The following F10 variants were observed in gnomAD, a reference collection of about 807,000 sequenced individuals.
F10 encodes the protein coagulation factor X, also known as Stuart-Prower factor.
A neutral mutation model predicts 37.1 loss-of-function variants in F10; 29 were observed. That is an observed-to-expected ratio of 0.78 (90% confidence interval 0.58 to 1.07). F10 has a LOEUF of 1.07. Among genes scored for constraint, F10 ranks in the 50% least tolerant of loss-of-function variants. F10 has a pLI of 0.00. For synonymous variants in F10, 262 were observed against 268.6 expected (o/e 0.98, Z 0.24); for missense variants, 539 against 667.9 (o/e 0.81, Z 2.13).
intron 1 of F10, among the ~76,000 whole-genome samples, chr13:113,123,859 T>A (rs2036344677): frequency 6.7e-6 from 1 of 149,030 alleles, no homozygotes; most frequent in Admixed American, 6.7e-5. Context: ...GAGCCACATC[T>A]TCCTGTCTCC....
At position 113,129,607 on chromosome 13, in the gene F10, A is replaced by AAG. The variant is rs2036408151; in HGVS notation, c.228_229dup (p.Thr77ArgfsTer38). The stretch of plus-strand genomic sequence containing the variant: ...CCGCGAGGTCTTTGAGGACAGCGAC[A>AAG]AGACGGTAAGGGCTGGGGATAGCCT... On this transcript the variant is annotated frameshift_variant, in exon 2 of 8. Transcript: ENST00000375559. LOFTEE classifies it high-confidence loss of function. The AAG allele has an allele frequency of 6.2e-7, 1 of 1,614,046 alleles. No homozygotes were observed. The highest frequency in any genetic ancestry group is 8.5e-7 in the Non-Finnish European group (1 of 1,180,018).
At chr13:113,147,341 C>G in intron 6 of F10, 38 bp from the exon 7 acceptor site, 2 of 1,444,814 alleles carry the variant, frequency 1.4e-6, no homozygotes, top group Non-Finnish European at 2.0e-6. Context: ...CACCTGTCCA[C>G]CTGGCCAGCC....
In F10 at chr13:113,143,344, C is replaced by A. The variant is rs775594473; in HGVS notation, c.503-507C>A. Among the ~76,000 whole-genome samples the A allele has an allele frequency of 5.9e-5, 9 of 152,158 alleles. No individual in the cohort carries two copies. The highest frequency in any genetic ancestry group is 8.8e-5 in the Non-Finnish European group (6 of 68,034). ...TCCTGTGCCTCCAGTTGTTTGCGTG[C>A]GCCATTCCTTCTGCCTGAAAACTTT... On this transcript the variant is annotated intron_variant, in intron 5 of 7. Coordinates refer to ENST00000375559, the MANE Select transcript of F10 (RefSeq NM_000504.4). The surrounding 1 kb of genome is among the most constrained non-coding windows in gnomAD (Gnocchi z 6.8).
chr13:113,142,353 A>G (rs987094228), intron 5 of F10, among the ~76,000 whole-genome samples: 5 of 150,796 alleles, frequency 3.3e-5, no homozygotes, highest in East Asian at 4.0e-4. Flanking sequence ...CATCCTGGCC[A>G]ACACAGTGAA....
intron 7 of F10, among the ~76,000 whole-genome samples, chr13:113,148,405 C>CACACAG (rs2036606112): frequency 6.9e-6 from 1 of 144,458 alleles, no homozygotes; most frequent in South Asian, 2.2e-4. Flanking sequence ...TATATACACA[C>CACACAG]ACACACACAA....
rs1191415687 is a variant in F10 at position 113,147,503 on chromosome 13, G to A, written c.865+7G>A. On this transcript the variant is annotated splice_region_variant and intron_variant, in intron 7 of 7. Transcript: ENST00000375559. ...AGATTCAAGGTGAGGGTAGGTAAGT[G>A]ACCAACAGCCCCCAGGGCCGTGGTG... is the stretch of plus-strand genomic sequence containing the variant. The A allele has an allele frequency of 1.3e-6, 2 of 1,574,992 alleles. No homozygotes were observed. The highest frequency in any genetic ancestry group is 1.7e-5 in the Admixed American group (1 of 59,964).
intron 4 of F10, among the ~76,000 whole-genome samples, chr13:113,140,349 G>A (rs1301679481): frequency 1.3e-5 from 2 of 152,070 alleles, no homozygotes; most frequent in Non-Finnish European, 2.9e-5. Context: ...CCAAAGTGCT[G>A]GGATTACAGG....
chr13:113,139,286 G>A lies in F10; in HGVS notation c.257-71G>A, dbSNP rs1256319081. On this transcript the variant is annotated intron_variant, in intron 3 of 7. Coordinates refer to ENST00000375559, the MANE Select transcript of F10 (RefSeq NM_000504.4). This position sits in a 1 kb window ranked among gnomAD's most constrained non-coding sequence, Gnocchi z 5.2. ...TATCTGAACGGCAGGGCCAAGGTTA[G>A]CACAGCAAAACTGTTTCCATGATGC... The A allele has an allele frequency of 2.3e-6, 3 of 1,294,802 alleles. No individual in the cohort carries two copies. The African/African-American group carries it at 4.4e-5, about 19-fold the overall frequency. 80.2% of individuals were successfully genotyped at this position (1,294,802 alleles called of 1,614,324 possible). A position where few individuals can be genotyped will look rare whatever the true frequency, so the allele number is the denominator to read the frequency against.
chr13:113,124,248 G>A (rs2036349181), intron 1 of F10, among the ~76,000 whole-genome samples: 1 of 152,234 alleles, frequency 6.6e-6, no homozygotes, highest in Non-Finnish European at 1.5e-5. Flanking sequence ...AGCAGAGGGT[G>A]GGGATGAGAA....
chr13:113,135,537 A>G (rs908045481), intron 2 of F10, among the ~76,000 whole-genome samples: 2 of 152,202 alleles, frequency 1.3e-5, no homozygotes, highest in African/African-American at 2.4e-5. Context: ...AGCCTCTTTT[A>G]TAAGGACATT....
At chr13:113,135,256 A>T (rs1466629749) in intron 2 of F10, among the ~76,000 whole-genome samples, 5 of 152,102 alleles carry the variant, frequency 3.3e-5, no homozygotes, top group African/African-American at 1.2e-4. Context: ...AAAAAAAAAA[A>T]ACAAAAGAAA....
intron 2 of F10, among the ~76,000 whole-genome samples, chr13:113,133,735 G>A (rs566670717): frequency 7.2e-5 from 11 of 152,170 alleles, no homozygotes; most frequent in African/African-American, 1.4e-4. Context: ...ACCACCCTAC[G>A]TAACAATATC....
At position 113,122,863 on chromosome 13, in the gene F10, G is replaced by T. The variant is rs1026200798; in HGVS notation, c.8G>T (p.Arg3Leu). 1 of 1,610,428 alleles carries T rather than the reference G, an allele frequency of 6.2e-7. No individual in the cohort carries two copies. Among genetic ancestry groups the T allele is most frequent in the Non-Finnish European group, 8.5e-7 (1 of 1,180,014 alleles). Reference sequence around the variant, plus strand: ...ACAGTACTCGGCCACACCATGGGGCGCCCACTGCACCTCGTCCTGCTCAGT... The same window carrying T: ...ACAGTACTCGGCCACACCATGGGGCTCCCACTGCACCTCGTCCTGCTCAGT... Reference protein sequence around the residue: MGRPLHLVLLSAS... With the variant: MGLPLHLVLLSAS... The change falls in exon 1 of 8, where the codon CGC becomes CTC. Residue 3 changes from arginine to leucine, a missense_variant. Transcript: ENST00000375559.
rs1436789778 is a variant in F10, at chr13:113,146,633, G to A, written c.748-746G>A. 6.6e-6 allele frequency among the ~76,000 whole-genome samples: 1 copy of A among 152,150 alleles called. No individual in the cohort carries two copies. Among genetic ancestry groups the A allele is most frequent in the African/African-American group, 2.4e-5 (1 of 41,410 alleles). On this transcript the variant is annotated intron_variant, in intron 6 of 7. Transcript: ENST00000375559. The surrounding 1 kb of genome is among the most constrained non-coding windows in gnomAD (Gnocchi z 4.5). ...GAGTTGACAAATTATGCAAAAAAGAGGCAAAAACATGACCCCTTTTCTAGC... is the reference window on the plus strand; with the variant it reads ...GAGTTGACAAATTATGCAAAAAAGAAGCAAAAACATGACCCCTTTTCTAGC...
At chr13:113,147,689 G>C (rs559859831) in intron 7 of F10, among the ~76,000 whole-genome samples, 193 bp downstream of exon 7, 1 of 152,174 alleles carries the variant, frequency 6.6e-6, no homozygotes, top group Non-Finnish European at 1.5e-5. Flanking sequence ...GGAGGAGGAC[G>C]GGGAGGGGAG....
chr13:113,140,361 G>A (rs1268349967), intron 4 of F10, among the ~76,000 whole-genome samples: 1 of 152,082 alleles, frequency 6.6e-6, no homozygotes, highest in African/African-American at 2.4e-5. Context: ...GATTACAGGC[G>A]TGAGGCACAG....
At chr13:113,124,579 AG>A (rs1478081515) in intron 1 of F10, among the ~76,000 whole-genome samples, 1 of 152,228 alleles carries the variant, frequency 6.6e-6, no homozygotes, top group East Asian at 1.9e-4. Flanking sequence ...GGCTGAACAC[AG>A]GTCCCAGAAG....
At chr13:113,129,861 G>A (rs2142253114) in intron 2 of F10, 1 of 551,336 alleles carries the variant, frequency 1.8e-6, no homozygotes, top group Non-Finnish European at 3.3e-6. Context: ...AGTCCCTTGA[G>A]GGTCACAGGG....
chr13:113,122,846 C>G lies in F10; in HGVS notation c.-10C>G, dbSNP rs757542867. 4.1e-5 allele frequency: 66 copies of G among 1,609,354 alleles called. No individual in the cohort carries two copies. Among genetic ancestry groups the G allele is most frequent in the Non-Finnish European group, 5.3e-5 (63 of 1,180,006 alleles). On this transcript the variant is annotated 5_prime_UTR_variant, in exon 1 of 8. Coordinates refer to ENST00000375559, the MANE Select transcript of F10 (RefSeq NM_000504.4). ...CCAGTGAGGACAGGGACACAGTACT[C>G]GGCCACACCATGGGGCGCCCACTGC...
Sources: gnomAD v4.1 joint callset for allele counts (sites outside exome capture counted in the v4.1 genomes callset) on GRCh38, gnomAD v4.1.1 for gene constraint, Gnocchi (gnomAD v3.1) non-coding constraint, MANE v1.5 for transcripts, NCBI Gene and HGNC (gene_info 2026-07-23, HGNC 2026-07-21) for gene names.